Variants in XYLT1 observed in about 807,000 individuals in gnomAD.
XYLT1 encodes beta-D-xylosyltransferase 1.
XYLT1 carries 36 observed loss-of-function variants against 91.3 expected under a neutral mutation model. The ratio of observed to expected loss-of-function variants is 0.39; its 90% CI spans 0.30 to 0.52. XYLT1 has a LOEUF of 0.52. XYLT1 is among the 20% of genes least tolerant of loss of function. The pLI, the probability that XYLT1 is intolerant of heterozygous loss-of-function variation, is 0.68. For missense variants in XYLT1, 1,242 were observed against 1,284.5 expected (o/e 0.97, Z 0.51); for synonymous variants, 588 against 532.0 (o/e 1.11, Z -1.45).
intron 9 of XYLT1, among the ~76,000 whole-genome samples, chr16:17,131,630 T>C (rs1403712713): frequency 1.3e-5 from 2 of 152,186 alleles, no homozygotes; most frequent in East Asian, 3.9e-4. Context: ...ATATGCAAAC[T>C]TTACTCTGAT....
chr16:17,434,520 C>G (rs1008148955), intron 1 of XYLT1, among the ~76,000 whole-genome samples: 5 of 152,008 alleles, frequency 3.3e-5, no homozygotes, highest in African/African-American at 1.2e-4. Flanking sequence ...GCTTAGCAAC[C>G]CTGAATAAGC....
rs1966808960 is a variant in XYLT1, at chr16:17,108,496, C to T, written c.*199G>A. 3.7e-6 allele frequency: 2 copies of T among 545,678 alleles called. No individual in the cohort carries two copies. Among genetic ancestry groups the T allele is most frequent in the African/African-American group, 1.9e-5 (1 of 52,858 alleles). 33.8% of individuals were successfully genotyped at this position (545,678 alleles called of 1,614,324 possible). On this transcript the variant is annotated 3_prime_UTR_variant, in exon 12 of 12. Coordinates refer to ENST00000261381, the MANE Select transcript of XYLT1 (RefSeq NM_022166.4). ...TCACAGTGCAGGGACTGAGCCATCC[C>T]ACCCGCAGCTTGCCAAAGGCAGGTT...
At chr16:17,131,446 C>T (rs2030472410) in intron 9 of XYLT1, among the ~76,000 whole-genome samples, 1 of 152,196 alleles carries the variant, frequency 6.6e-6, no homozygotes, top group African/African-American at 2.4e-5. Context: ...TTGGCAACTC[C>T]ATCTGCATTC....
chr16:17,246,986 C>G (rs1006314671), intron 3 of XYLT1, among the ~76,000 whole-genome samples: 5 of 152,184 alleles, frequency 3.3e-5, no homozygotes, highest in Admixed American at 6.5e-5. Context: ...TGTGGGGAGA[C>G]AGCATCACAG....
chr16:17,274,304 G>A (rs1441903977), intron 2 of XYLT1, among the ~76,000 whole-genome samples: 1 of 152,164 alleles, frequency 6.6e-6, no homozygotes. Flanking sequence ...GGGTGTTTAA[G>A]TAGGATAGAA....
chr16:17,295,906 TG>T (rs1235592631), intron 2 of XYLT1, among the ~76,000 whole-genome samples: 1 of 152,222 alleles, frequency 6.6e-6, no homozygotes, highest in Non-Finnish European at 1.5e-5. Flanking sequence ...CTGAATGAGC[TG>T]GGATTATTTG....
At chr16:17,117,249 T>G (rs191743056) in intron 11 of XYLT1, among the ~76,000 whole-genome samples, 1 of 152,368 alleles carries the variant, frequency 6.6e-6, no homozygotes, top group East Asian at 1.9e-4. Context: ...TATTATGTGG[T>G]TCATCTTTTC....
intron 11 of XYLT1, among the ~76,000 whole-genome samples, chr16:17,116,278 TC>T (rs1966852097): frequency 6.6e-6 from 1 of 152,198 alleles, no homozygotes; most frequent in African/African-American, 2.4e-5. Flanking sequence ...GGAACTGACA[TC>T]CCAGTCCCTG....
At chr16:17,393,921 G>A (rs1002564246) in intron 1 of XYLT1, among the ~76,000 whole-genome samples, 34 of 152,020 alleles carry the variant, frequency 2.2e-4, no homozygotes, top group Middle Eastern at 3.4e-3. Context: ...GACTACAGGC[G>A]CCCGCCACCG....
intron 11 of XYLT1, among the ~76,000 whole-genome samples, chr16:17,115,799 T>C (rs1263451293): frequency 2.1e-3 from 28 of 13,610 alleles, no homozygotes; most frequent in Admixed American, 0.016. Flanking sequence ...CTCTGTTATA[T>C]TAAAAAAAAA....
chr16:17,396,834 G>A (rs183099691), intron 1 of XYLT1, among the ~76,000 whole-genome samples: 1 of 152,260 alleles, frequency 6.6e-6, no homozygotes, highest in East Asian at 1.9e-4. Flanking sequence ...TCAGGCCACT[G>A]TACTCTGGCC....
chr16:17,110,678 C>T (rs1430947754), intron 11 of XYLT1, among the ~76,000 whole-genome samples: 1 of 152,122 alleles, frequency 6.6e-6, no homozygotes, highest in African/African-American at 2.4e-5. Context: ...CCTCACACAC[C>T]TAAAAAACTA....
Position 17,289,141 on chromosome 16 carries a change from T to C in XYLT1, c.403-29643A>G, listed in dbSNP as rs57881478. On this transcript the variant is annotated intron_variant, in intron 2 of 11. Transcript: ENST00000261381. ...ATTTTAGGCCTTGTAAGCCATACAG[T>C]CTCTGCCTCAACCTCTCAACCCTGC... Among the ~76,000 whole-genome samples the C allele has an allele frequency of 4.6e-3, 700 of 152,294 alleles. 8 individuals carry two copies. The highest frequency in any genetic ancestry group is 0.016 in the African/African-American group (654 of 41,550).
At chr16:17,356,947 T>C (rs148260986) in intron 2 of XYLT1, among the ~76,000 whole-genome samples, 1,747 of 151,852 alleles carry the variant, frequency 0.012, 32 homozygotes, top group African/African-American at 0.04. Flanking sequence ...GAGGCCAAGG[T>C]GAGCGGATCA....
intron 1 of XYLT1, among the ~76,000 whole-genome samples, chr16:17,364,326 A>G (rs912198520): frequency 3.3e-5 from 5 of 152,232 alleles, no homozygotes; most frequent in African/African-American, 9.6e-5. Flanking sequence ...TAATTATACA[A>G]GCTTAACAGG....
rs371797002 is a variant in XYLT1, at chr16:17,131,697, A to AG, written c.2027+2775dup. ...AATGCATATGTGTTAGTTTATAATG[A>AG]GAAAAAAAAATCAATAAACATTATT... On this transcript the variant is annotated intron_variant, in intron 9 of 11. Coordinates refer to ENST00000261381, the MANE Select transcript of XYLT1 (RefSeq NM_022166.4). Among the ~76,000 whole-genome samples the AG allele has an allele frequency of 2.2e-3, 331 of 152,336 alleles. 4 individuals carry two copies. Among genetic ancestry groups the AG allele is most frequent in the African/African-American group, 7.7e-3 (321 of 41,574 alleles).
At chr16:17,222,148 C>T (rs2032980481) in intron 3 of XYLT1, among the ~76,000 whole-genome samples, 2 of 152,164 alleles carry the variant, frequency 1.3e-5, no homozygotes, top group East Asian at 1.9e-4. Flanking sequence ...ACCCAGATAC[C>T]TGGGAGTTAG....
chr16:17,399,356 T>C (rs954933179), intron 1 of XYLT1, among the ~76,000 whole-genome samples: 4 of 152,158 alleles, frequency 2.6e-5, no homozygotes, highest in African/African-American at 9.7e-5. Flanking sequence ...GTTCTGGTGC[T>C]GTTGGAAGGA....
intron 5 of XYLT1, among the ~76,000 whole-genome samples, chr16:17,197,401 A>G (rs1778022671): frequency 6.6e-6 from 1 of 152,094 alleles, no homozygotes; most frequent in African/African-American, 2.4e-5. Context: ...TTTTTCTAAG[A>G]TATCATTTAA....
Sources: gnomAD v4.1 joint callset for allele counts (sites outside exome capture counted in the v4.1 genomes callset) on GRCh38, gnomAD v4.1.1 for gene constraint, MANE v1.5 for transcripts, NCBI Gene and HGNC (gene_info 2026-07-23, HGNC 2026-07-21) for gene names.